KANK1: variants seen among roughly 807,000 people sequenced by gnomAD.
KANK1 encodes KN motif and ankyrin repeat domain-containing protein 1.
KANK1 carries 109 observed loss-of-function variants against 106.2 expected under a neutral mutation model. That is an observed-to-expected ratio of 1.03 (90% CI 0.88 to 1.20). The LOEUF (loss-of-function observed/expected upper bound fraction) is 1.20, where lower values mean the gene tolerates loss of function less well. Among genes scored for constraint, KANK1 ranks in the 50% most tolerant of loss-of-function variants. KANK1 has a pLI of 0.00. For synonymous variants in KANK1, 873 were observed against 652.2 expected (o/e 1.34, Z -5.16); for missense variants, 2,399 against 1,710.7 (o/e 1.40, Z -7.10).
chr9:520,211 C>A (rs1976260), intron 1 of KANK1, among the ~76,000 whole-genome samples: 100,022 of 151,364 alleles, frequency 0.66, 33,605 homozygotes, highest in South Asian at 0.73. Flanking sequence ...GGTAGCACGC[C>A]CCTGTAGTCC....
chr9:554,191 CAAG>C (rs1248934886), intron 1 of KANK1, among the ~76,000 whole-genome samples: 1 of 152,192 alleles, frequency 6.6e-6, no homozygotes, highest in African/African-American at 2.4e-5. Flanking sequence ...AACTAGAGAA[CAAG>C]AAGGCCATTG....
At chr9:564,713 C>T (rs554562845) in intron 1 of KANK1, among the ~76,000 whole-genome samples, 1 of 152,346 alleles carries the variant, frequency 6.6e-6, no homozygotes, top group South Asian at 2.1e-4. Context: ...TCTTCCACCT[C>T]CTAACACTCT....
intron 1 of KANK1, among the ~76,000 whole-genome samples, chr9:579,266 G>C (rs181877639): frequency 6.6e-6 from 1 of 151,958 alleles, no homozygotes; most frequent in East Asian, 1.9e-4. Context: ...CTGGGTATTA[G>C]CTTGGTAATG....
chr9:505,638 C>G (rs563649830), intron 1 of KANK1, among the ~76,000 whole-genome samples: 4 of 152,358 alleles, frequency 2.6e-5, no homozygotes, highest in African/African-American at 9.6e-5. Context: ...GCTGCACGAG[C>G]GTGACCTAGT....
intron 1 of KANK1, among the ~76,000 whole-genome samples, chr9:657,608 TA>T (rs1380154135): frequency 6.6e-6 from 1 of 151,912 alleles, no homozygotes; most frequent in African/African-American, 2.4e-5. Context: ...TATGAGGTGA[TA>T]CTGTGGTTTT....
intron 2 of KANK1, among the ~76,000 whole-genome samples, chr9:705,554 G>C (rs749614889): frequency 9.2e-5 from 14 of 151,660 alleles, no homozygotes; most frequent in Non-Finnish European, 1.5e-4. Flanking sequence ...TAATTGGTGT[G>C]TGGTTGGGAG....
intron 1 of KANK1, among the ~76,000 whole-genome samples, chr9:505,927 TTAACAGCTAAG>T (rs1563684154): frequency 6.6e-6 from 1 of 152,218 alleles, no homozygotes; most frequent in Non-Finnish European, 1.5e-5. Flanking sequence ...TTAGGTGGCG[TTAACAGCTAAG>T]TAGCTGTTCA....
intron 1 of KANK1, among the ~76,000 whole-genome samples, chr9:522,387 A>C (rs770632893): frequency 7.3e-5 from 11 of 151,672 alleles, no homozygotes; most frequent in Non-Finnish European, 1.6e-4. Context: ...GCACATACAC[A>C]CAGCTGGATA....
At chr9:715,237 TAAAC>T (rs1827364175) in intron 3 of KANK1, among the ~76,000 whole-genome samples, 1 of 152,132 alleles carries the variant, frequency 6.6e-6, no homozygotes, top group Non-Finnish European at 1.5e-5. Flanking sequence ...CATTTTAGAA[TAAAC>T]AGGATTAAAA....
At chr9:506,996 A>G (rs1482084765) in intron 1 of KANK1, among the ~76,000 whole-genome samples, 1 of 152,200 alleles carries the variant, frequency 6.6e-6, no homozygotes, top group East Asian at 1.9e-4. Flanking sequence ...AATCATTTTT[A>G]GTAAGGAGAG....
intron 1 of KANK1, among the ~76,000 whole-genome samples, chr9:617,266 C>T (rs996312321): frequency 6.6e-6 from 1 of 152,124 alleles, no homozygotes; most frequent in African/African-American, 2.4e-5. Context: ...TACAACTTCA[C>T]TCGTTGCCTT....
intron 1 of KANK1, among the ~76,000 whole-genome samples, chr9:610,016 T>A (rs955936253): frequency 1.3e-5 from 2 of 152,150 alleles, no homozygotes; most frequent in Non-Finnish European, 2.9e-5. Flanking sequence ...CCTTTACAAT[T>A]ATAATGATAA....
chr9:620,925 A>T (rs77040396), intron 1 of KANK1, among the ~76,000 whole-genome samples: 2 of 152,320 alleles, frequency 1.3e-5, no homozygotes, highest in East Asian at 3.9e-4. Context: ...TTACTAATTG[A>T]TCAAATTCCA....
chr9:612,573 T>TA (rs71491961), intron 1 of KANK1, among the ~76,000 whole-genome samples: 3 of 152,118 alleles, frequency 2.0e-5, no homozygotes, highest in Admixed American at 6.5e-5. Flanking sequence ...CGTTTCATAT[T>TA]AAAAAAAGTT....
At chr9:574,699 A>G (rs1005189107) in intron 1 of KANK1, among the ~76,000 whole-genome samples, 1 of 151,858 alleles carries the variant, frequency 6.6e-6, no homozygotes, top group African/African-American at 2.4e-5. Context: ...TACTAAAAAT[A>G]CAAAAATTAG....
At chr9:559,294 T>G (rs1331703487) in intron 1 of KANK1, among the ~76,000 whole-genome samples, 1 of 152,218 alleles carries the variant, frequency 6.6e-6, no homozygotes, top group African/African-American at 2.4e-5. Context: ...AATATTTTTG[T>G]GCATTGAAGG....
At chr9:608,641 TG>T (rs1373523489) in intron 1 of KANK1, among the ~76,000 whole-genome samples, 1 of 149,130 alleles carries the variant, frequency 6.7e-6, no homozygotes, top group East Asian at 1.9e-4. Flanking sequence ...CACGACTGAC[TG>T]ATTTGGTCAG....
intron 1 of KANK1, among the ~76,000 whole-genome samples, chr9:641,768 A>G (rs1174117617): frequency 1.3e-5 from 2 of 152,160 alleles, no homozygotes; most frequent in Non-Finnish European, 2.9e-5. Flanking sequence ...GCTTACCCTG[A>G]TCGTAATGAC....
chr9:512,832 T>A (rs2059093667), intron 1 of KANK1, among the ~76,000 whole-genome samples: 1 of 152,240 alleles, frequency 6.6e-6, no homozygotes, highest in Admixed American at 6.5e-5. Flanking sequence ...GAATTTATAT[T>A]CCCTCACACC....
Sources: allele counts gnomAD v4.1 joint callset (sites outside exome capture counted in the v4.1 genomes callset), GRCh38; gene constraint gnomAD v4.1.1; transcripts MANE v1.5; gene names NCBI Gene and HGNC (gene_info 2026-07-23, HGNC 2026-07-21).